The following SLC9A9 variants were observed in gnomAD, a reference collection of about 807,000 sequenced individuals.
The protein encoded by SLC9A9 is solute carrier family 9 member A9, also known as sodium/hydrogen exchanger 9.
In SLC9A9, 62 loss-of-function variants were observed where a neutral mutation model predicts 77.8. That is an observed-to-expected ratio of 0.80 (90% CI 0.65 to 0.98). The LOEUF is 0.98. Ranked by LOEUF, SLC9A9 falls within the 50% of genes least tolerant of loss-of-function variation. The pLI, the probability that SLC9A9 is intolerant of heterozygous loss-of-function variation, is 0.00. For missense variants in SLC9A9, 775 were observed against 774.9 expected (o/e 1.00, Z 0.00); for synonymous variants, 320 against 283.5 (o/e 1.13, Z -1.29).
intron 9 of SLC9A9, among the ~76,000 whole-genome samples, chr3:143,527,532 T>C (rs2036426276): frequency 6.6e-6 from 1 of 152,242 alleles, no homozygotes; most frequent in African/African-American, 2.4e-5. Flanking sequence ...TCAAAATTTG[T>C]CAGGTCTCAT....
At chr3:143,718,835 T>A (rs1934422999) in intron 4 of SLC9A9, among the ~76,000 whole-genome samples, 1 of 152,134 alleles carries the variant, frequency 6.6e-6, no homozygotes, top group Non-Finnish European at 1.5e-5. Context: ...AGGTGACAAT[T>A]GAATATAAGG....
In SLC9A9 at chr3:143,645,511, C is replaced by A. The variant is rs562524885; in HGVS notation, c.755+6744G>T. 3.3e-5 allele frequency among the ~76,000 whole-genome samples: 5 copies of A among 152,286 alleles called. No individual in the cohort carries two copies. In the South Asian group the frequency reaches 1.0e-3, roughly 32 times the overall value. On this transcript the variant is annotated intron_variant, in intron 6 of 15. Transcript: ENST00000316549. Reference sequence around the variant, plus strand: ...GGCATAATGTCTGGCACATACTGATCCTCAGTACATTTCTCTTGAACGGTT... The same window carrying A: ...GGCATAATGTCTGGCACATACTGATACTCAGTACATTTCTCTTGAACGGTT...
At chr3:143,814,128 C>G (rs2008941805) in intron 2 of SLC9A9, among the ~76,000 whole-genome samples, 1 of 152,150 alleles carries the variant, frequency 6.6e-6, no homozygotes, top group East Asian at 1.9e-4. Flanking sequence ...CATAAGGAAC[C>G]TATGTTTCTG....
At chr3:143,664,628 G>A (rs1021830442) in intron 5 of SLC9A9, among the ~76,000 whole-genome samples, 1 of 152,196 alleles carries the variant, frequency 6.6e-6, no homozygotes, top group African/African-American at 2.4e-5. Flanking sequence ...TAAAGGGATG[G>A]AGGAAGATCT....
chr3:143,266,638 C>T lies in SLC9A9; in HGVS notation c.*64G>A. ...CCTCTCCCCTGTACTGCCTCATCAG[C>T]TTGGCTTGTATTCCTCAGTGAGTCT... is the stretch of plus-strand genomic sequence containing the variant. On this transcript the variant is annotated 3_prime_UTR_variant, in exon 16 of 16. Coordinates refer to ENST00000316549, the MANE Select transcript of SLC9A9 (RefSeq NM_173653.4). The T allele has an allele frequency of 6.5e-7, 1 of 1,550,294 alleles. No homozygotes were observed. The highest frequency in any genetic ancestry group is 1.7e-4 in the Middle Eastern group (1 of 5,932).
Position 143,552,455 on chromosome 3 carries a change from A to G in SLC9A9, c.1001-5T>C. 6.2e-7 allele frequency: 1 copy of G among 1,612,322 alleles called. No individual in the cohort carries two copies. Among genetic ancestry groups the G allele is most frequent in the Non-Finnish European group, 8.5e-7 (1 of 1,179,046 alleles). On this transcript the variant is annotated splice_polypyrimidine_tract_variant and splice_region_variant and intron_variant, in intron 8 of 15. Transcript: ENST00000316549. The stretch of plus-strand genomic sequence containing the variant: ...AGAAGAGAACAGCAACTATCCCTGA[A>G]ATTAAAAAAACAGATCAGTCAAAAC...
chr3:143,423,164 T>C lies in SLC9A9; in HGVS notation c.1470-41050A>G, dbSNP rs571245407. ...AGGTATTAGAACACACACACAAATA[T>C]ACATGTAGAAATGAACATATATGTA... is the stretch of plus-strand genomic sequence containing the variant. On this transcript the variant is annotated intron_variant, in intron 12 of 15. Transcript: ENST00000316549. 7.9e-5 allele frequency among the ~76,000 whole-genome samples: 12 copies of C among 151,786 alleles called. No homozygotes were observed. In the South Asian group the frequency reaches 1.0e-3, roughly 13 times the overall value.
chr3:143,440,327 G>T (rs954669404), intron 12 of SLC9A9, among the ~76,000 whole-genome samples: 1 of 152,160 alleles, frequency 6.6e-6, no homozygotes, highest in African/African-American at 2.4e-5. Flanking sequence ...CTTGAGTTCT[G>T]GGAGGGTTCC....
intron 4 of SLC9A9, among the ~76,000 whole-genome samples, chr3:143,769,564 C>T (rs898359893): frequency 6.6e-6 from 1 of 152,136 alleles, no homozygotes; most frequent in African/African-American, 2.4e-5. Context: ...CTCTCTTTTG[C>T]TATTTTCTAA....
chr3:143,453,234 C>A (rs2035037432), intron 12 of SLC9A9, among the ~76,000 whole-genome samples: 1 of 151,952 alleles, frequency 6.6e-6, no homozygotes, highest in South Asian at 2.1e-4. Flanking sequence ...TTAAAAATGA[C>A]TGAAGGAATC....
chr3:143,763,741 G>A (rs1283288061), intron 4 of SLC9A9, among the ~76,000 whole-genome samples: 1 of 146,606 alleles, frequency 6.8e-6, no homozygotes, highest in Non-Finnish European at 1.5e-5. Context: ...ATTTCTTTTT[G>A]TCATAAACCA....
At chr3:143,475,663 A>G (rs2035463679) in intron 11 of SLC9A9, among the ~76,000 whole-genome samples, 2 of 152,066 alleles carry the variant, frequency 1.3e-5, no homozygotes, top group Admixed American at 1.3e-4. Context: ...GTGGTGGTGA[A>G]TGCCTGTAGT....
chr3:143,839,625 CATACACAT>C lies in SLC9A9; in HGVS notation c.176-7412_176-7405del, dbSNP rs1221824691. Among the ~76,000 whole-genome samples the C allele has an allele frequency of 6.6e-5, 10 of 152,222 alleles. No individual in the cohort carries two copies. In the East Asian group the frequency reaches 1.5e-3, roughly 24 times the overall value. Reference sequence around the variant, plus strand: ...CATGCAAGCACATACAAACACAACACATACACATATACACAATGTACACACTTCACAAA... The same window carrying C: ...CATGCAAGCACATACAAACACAACACATACACAATGTACACACTTCACAAA... On this transcript the variant is annotated intron_variant, in intron 1 of 15. Coordinates refer to ENST00000316549, the MANE Select transcript of SLC9A9 (RefSeq NM_173653.4).
At chr3:143,762,800 G>A (rs1420013818) in intron 4 of SLC9A9, among the ~76,000 whole-genome samples, 3 of 152,050 alleles carry the variant, frequency 2.0e-5, no homozygotes, top group Non-Finnish European at 4.4e-5. Context: ...TGATTCTGCT[G>A]GTCTCCCTGA....
At chr3:143,480,477 T>C (rs1398184941) in intron 11 of SLC9A9, among the ~76,000 whole-genome samples, 5 of 152,248 alleles carry the variant, frequency 3.3e-5, no homozygotes, top group Admixed American at 3.3e-4. Flanking sequence ...TTGTGGTTAT[T>C]CATTATCCGA....
rs1401675131 is a variant in SLC9A9, at chr3:143,627,379, T to C, written c.755+24876A>G. ...TATTGCTTGGCAGCAGCAATCACCA[T>C]GACAGAGAAAAAGAACATAGAGACT... On this transcript the variant is annotated intron_variant, in intron 6 of 15. Transcript: ENST00000316549. 3 of 214,790 alleles carry C rather than the reference T, an allele frequency of 1.4e-5. No homozygotes were observed. In the East Asian group the frequency reaches 3.4e-4, roughly 24 times the overall value. The allele number at this position is 214,790 out of a possible 1,614,324, so 13.3% of individuals were successfully genotyped here.
At chr3:143,477,150 C>T (rs2035490426) in intron 11 of SLC9A9, among the ~76,000 whole-genome samples, 1 of 152,108 alleles carries the variant, frequency 6.6e-6, no homozygotes, top group African/African-American at 2.4e-5. Flanking sequence ...CAGCTAGGTA[C>T]AGCCACGTGA....
At chr3:143,831,845 A>G (rs1313259443) in intron 2 of SLC9A9, among the ~76,000 whole-genome samples, 174 bp downstream of exon 2, 2 of 152,164 alleles carry the variant, frequency 1.3e-5, no homozygotes, top group African/African-American at 4.8e-5. Flanking sequence ...TCAGCTTGTA[A>G]TAAGGGTATA....
chr3:143,271,614 G>C (rs1463664075), intron 14 of SLC9A9, among the ~76,000 whole-genome samples: 1 of 152,202 alleles, frequency 6.6e-6, no homozygotes, highest in Non-Finnish European at 1.5e-5. Flanking sequence ...CAGATTCATG[G>C]ACTACTAAGT....
Sources: allele counts gnomAD v4.1 joint callset (sites outside exome capture counted in the v4.1 genomes callset), GRCh38; gene constraint gnomAD v4.1.1; transcripts MANE v1.5; gene names NCBI Gene and HGNC (gene_info 2026-07-23, HGNC 2026-07-21).